The following DCLK1 variants were observed in gnomAD, a reference collection of about 807,000 sequenced individuals.
The protein encoded by DCLK1 is serine/threonine-protein kinase DCLK1.
A neutral mutation model predicts 86.2 loss-of-function variants in DCLK1; 16 were observed. The observed-to-expected ratio is 0.19, with a 90% CI of 0.13 to 0.28. The LOEUF (loss-of-function observed/expected upper bound fraction) is 0.28, where lower values mean the gene tolerates loss of function less well. DCLK1 is among the 10% of genes least tolerant of loss of function. The pLI is 1.00. For synonymous variants in DCLK1, 369 were observed against 370.5 expected (o/e 1.00, Z 0.05); for missense variants, 590 against 940.2 (o/e 0.63, Z 4.87).
At chr13:36,093,920 AATT>A (rs10557692) in intron 3 of DCLK1, among the ~76,000 whole-genome samples, 11,237 of 151,990 alleles carry the variant, frequency 0.074, 684 homozygotes, top group African/African-American at 0.17. Flanking sequence ...AAGCACAAAA[AATT>A]ATTATTATTA....
intron 4 of DCLK1, among the ~76,000 whole-genome samples, chr13:35,934,938 A>T (rs1876675065): frequency 1.3e-5 from 2 of 152,324 alleles, no homozygotes; most frequent in South Asian, 4.1e-4. Context: ...AATGAACAAC[A>T]ATGGTATAAT....
At chr13:35,878,868 C>T (rs1872728397) in intron 4 of DCLK1, among the ~76,000 whole-genome samples, 1 of 152,052 alleles carries the variant, frequency 6.6e-6, no homozygotes, top group Non-Finnish European at 1.5e-5. Flanking sequence ...TCACTGCAAC[C>T]TCTGCCTCCC....
At chr13:35,989,465 T>A (rs745473088) in intron 3 of DCLK1, among the ~76,000 whole-genome samples, 1 of 152,006 alleles carries the variant, frequency 6.6e-6, no homozygotes, top group Non-Finnish European at 1.5e-5. Flanking sequence ...AGAGATGGGG[T>A]TTCACCATGT....
intron 3 of DCLK1, among the ~76,000 whole-genome samples, chr13:36,087,299 C>T (rs78547751): frequency 2.2e-4 from 34 of 152,296 alleles, no homozygotes; most frequent in African/African-American, 7.7e-4. Flanking sequence ...TGTTTAAACA[C>T]TCTACATGAT....
intron 8 of DCLK1, among the ~76,000 whole-genome samples, chr13:35,830,806 C>T (rs1868896581): frequency 6.6e-6 from 1 of 152,220 alleles, no homozygotes; most frequent in Admixed American, 6.5e-5. Context: ...CCTTCACCAC[C>T]TCCACAAAGG....
chr13:35,928,925 C>A (rs1172983690), intron 4 of DCLK1, among the ~76,000 whole-genome samples: 3 of 152,110 alleles, frequency 2.0e-5, no homozygotes, highest in Admixed American at 1.3e-4. Context: ...AAGCAGCTCA[C>A]TTTTCTATAC....
chr13:35,846,287 G>GA, intron 6 of DCLK1: 1 of 985,078 alleles, frequency 1.0e-6, no homozygotes, highest in Non-Finnish European at 1.2e-6. Context: ...AGAGTTCTTA[G>GA]AAAAAATAAA....
intron 4 of DCLK1, among the ~76,000 whole-genome samples, chr13:35,879,927 T>C (rs1033701943): frequency 2.6e-5 from 4 of 152,066 alleles, no homozygotes; most frequent in Admixed American, 2.0e-4. Flanking sequence ...TCCCCACACA[T>C]TCCCAAATGT....
At chr13:35,920,144 A>G (rs1875711194) in intron 4 of DCLK1, among the ~76,000 whole-genome samples, 1 of 152,196 alleles carries the variant, frequency 6.6e-6, no homozygotes, top group South Asian at 2.1e-4. Flanking sequence ...CCTTCTCCTG[A>G]TATAAATGTA....
intron 3 of DCLK1, among the ~76,000 whole-genome samples, chr13:36,041,720 T>A (rs1279488756): frequency 6.6e-6 from 1 of 152,056 alleles, no homozygotes; most frequent in Non-Finnish European, 1.5e-5. Context: ...GGCTGTGGAG[T>A]TTATTCACGG....
chr13:36,115,290 A>T (rs936691334), intron 2 of DCLK1, among the ~76,000 whole-genome samples: 1 of 152,104 alleles, frequency 6.6e-6, no homozygotes. Context: ...TTTTGGTATA[A>T]CTTCTACTGC....
intron 5 of DCLK1, chr13:35,855,832 T>G: frequency 8.2e-7 from 1 of 1,220,314 alleles, no homozygotes; most frequent in Non-Finnish European, 1.0e-6. Flanking sequence ...CCCAGTGCTG[T>G]CAGTACTTTG....
intron 3 of DCLK1, among the ~76,000 whole-genome samples, chr13:36,078,910 C>T (rs747315372): frequency 1.3e-4 from 20 of 152,194 alleles, no homozygotes; most frequent in Admixed American, 9.8e-4. Context: ...AAATGTGACT[C>T]GCTGCACCGA....
chr13:35,940,165 G>A (rs2153131510), intron 4 of DCLK1, among the ~76,000 whole-genome samples: 1 of 149,772 alleles, frequency 6.7e-6, no homozygotes, highest in South Asian at 2.1e-4. Flanking sequence ...AGGTTGCAGT[G>A]AGCCGAGATC....
intron 2 of DCLK1, among the ~76,000 whole-genome samples, chr13:36,119,424 A>T (rs549924445): frequency 6.6e-4 from 101 of 152,324 alleles, no homozygotes; most frequent in African/African-American, 2.4e-3. Flanking sequence ...GCCAAAATTC[A>T]TGGGCAAAAG....
In DCLK1 at chr13:35,771,729, A is replaced by G. The variant is rs2086336698; in HGVS notation, c.*2806T>C. ...ACCAGGCCACCACCATAAGAGAGCT[A>G]TATTAAATACTTGGGAAAAAATATG... On this transcript the variant is annotated 3_prime_UTR_variant, in exon 17 of 17. Transcript: ENST00000360631. 1 of 152,224 alleles carries G rather than the reference A, an allele frequency of 6.6e-6. No homozygotes were observed. Among genetic ancestry groups the G allele is most frequent in the African/African-American group, 2.4e-5 (1 of 41,460 alleles). 9.4% of individuals were successfully genotyped at this position (152,224 alleles called of 1,614,324 possible). A position where few individuals can be genotyped will look rare whatever the true frequency, so the allele number is the denominator to read the frequency against.
intron 4 of DCLK1, among the ~76,000 whole-genome samples, chr13:35,879,904 G>A (rs1198749823): frequency 1.3e-5 from 2 of 151,902 alleles, no homozygotes; most frequent in Admixed American, 6.6e-5. Flanking sequence ...CCCTAGTTAT[G>A]TGACCAAAAA....
intron 3 of DCLK1, among the ~76,000 whole-genome samples, chr13:36,102,916 G>A (rs1018566076): frequency 6.6e-5 from 10 of 152,120 alleles, no homozygotes; most frequent in Non-Finnish European, 1.2e-4. Context: ...AAGCACACTG[G>A]GAAACTTGGC....
At chr13:36,116,742 T>C (rs554455344) in intron 2 of DCLK1, among the ~76,000 whole-genome samples, 17 of 152,336 alleles carry the variant, frequency 1.1e-4, no homozygotes, top group Non-Finnish European at 2.2e-4. Context: ...GGATAAACTT[T>C]CTGATTAAAA....
Sources: gnomAD v4.1 joint callset for allele counts (sites outside exome capture counted in the v4.1 genomes callset) on GRCh38, gnomAD v4.1.1 for gene constraint, MANE v1.5 for transcripts, NCBI Gene and HGNC (gene_info 2026-07-23, HGNC 2026-07-21) for gene names.